Variants in GPR139 observed in about 807,000 individuals in gnomAD.
GPR139 encodes the protein probable G protein-coupled receptor 139.
GPR139 carries 12 observed loss-of-function variants against 25.8 expected under a neutral mutation model. That is an observed-to-expected ratio of 0.47 (90% confidence interval 0.30 to 0.75). GPR139 has a LOEUF of 0.75. Ranked by LOEUF, GPR139 falls within the 30% of genes least tolerant of loss-of-function variation. GPR139 has a pLI of 0.07. For missense variants in GPR139, 380 were observed against 450.2 expected (o/e 0.84, Z 1.41); for synonymous variants, 184 against 179.9 (o/e 1.02, Z -0.18).
At chr16:20,062,888 C>T (rs2057418856) in intron 1 of GPR139, among the ~76,000 whole-genome samples, 1 of 152,064 alleles carries the variant, frequency 6.6e-6, no homozygotes, top group Admixed American at 6.5e-5. Flanking sequence ...TCAAAATCTG[C>T]TGTGTATTTC....
intron 1 of GPR139, among the ~76,000 whole-genome samples, chr16:20,034,762 T>C (rs894626653): frequency 6.6e-6 from 1 of 152,202 alleles, no homozygotes; most frequent in Non-Finnish European, 1.5e-5. Context: ...TCATTCAACA[T>C]TGTATTTTTG....
chr16:20,056,560 T>A (rs946082214), intron 1 of GPR139, among the ~76,000 whole-genome samples: 3 of 151,990 alleles, frequency 2.0e-5, no homozygotes, highest in Admixed American at 1.3e-4. Context: ...CTTGGGAGAG[T>A]CTCTTAACTC....
At position 20,032,398 on chromosome 16, in the gene GPR139, C is replaced by T. The variant is rs371518776; in HGVS notation, c.399G>A (p.Pro133=). Residue 133 remains proline (P), a synonymous_variant, in exon 2 of 2, where the codon CCG becomes CCA. Coordinates refer to ENST00000570682, the MANE Select transcript of GPR139 (RefSeq NM_001002911.4). ...TIDRYIAVCH[P]LKYHTVSYPA... ...GGTATGAGACCGTGTGGTACTTGAG[C>T]GGGTGGCAGACAGCGATATACCTGT... The T allele has an allele frequency of 8.1e-6, 13 of 1,614,030 alleles. No homozygotes were observed. Among genetic ancestry groups the T allele is most frequent in the South Asian group, 2.2e-5 (2 of 91,088 alleles).
chr16:20,065,890 A>G (rs1056665398), intron 1 of GPR139, among the ~76,000 whole-genome samples: 1 of 152,154 alleles, frequency 6.6e-6, no homozygotes, highest in South Asian at 2.1e-4. Context: ...AAAAAAAAAA[A>G]AAAAAGTTAA....
At chr16:20,054,506 G>A (rs2057382597) in intron 1 of GPR139, among the ~76,000 whole-genome samples, 1 of 152,016 alleles carries the variant, frequency 6.6e-6, no homozygotes, top group Non-Finnish European at 1.5e-5. Flanking sequence ...ATCATCAAGA[G>A]GACCAAAGCC....
intron 1 of GPR139, among the ~76,000 whole-genome samples, chr16:20,057,377 A>T (rs1302358677): frequency 6.6e-6 from 1 of 152,146 alleles, no homozygotes; most frequent in East Asian, 1.9e-4. Context: ...CAGAGTAAGT[A>T]CTCAAATGGT....
intron 1 of GPR139, among the ~76,000 whole-genome samples, chr16:20,051,527 G>C (rs1273143451): frequency 6.6e-6 from 1 of 152,218 alleles, no homozygotes; most frequent in Non-Finnish European, 1.5e-5. Flanking sequence ...GCCATGCCCA[G>C]AGGACAACGT....
chr16:20,049,552 C>G (rs1159104377), intron 1 of GPR139, among the ~76,000 whole-genome samples: 1 of 152,190 alleles, frequency 6.6e-6, no homozygotes, highest in Non-Finnish European at 1.5e-5. Context: ...TCATCTGTAC[C>G]ATGCTTGGCA....
intron 1 of GPR139, among the ~76,000 whole-genome samples, chr16:20,057,561 C>T (rs551862137): frequency 2.2e-4 from 34 of 151,714 alleles, no homozygotes; most frequent in Non-Finnish European, 3.8e-4. Flanking sequence ...TTCCTCCCTC[C>T]CTCCCTTCCT....
chr16:20,052,604 T>C (rs1407499418), intron 1 of GPR139, among the ~76,000 whole-genome samples: 2 of 152,182 alleles, frequency 1.3e-5, no homozygotes, highest in Non-Finnish European at 2.9e-5. Context: ...CAGACCATCC[T>C]GGCTAACACG....
intron 1 of GPR139, among the ~76,000 whole-genome samples, chr16:20,062,073 G>A (rs2057416238): frequency 6.6e-6 from 1 of 152,154 alleles, no homozygotes; most frequent in Non-Finnish European, 1.5e-5. Context: ...TTTGAGATCA[G>A]CCTGGGCAAC....
rs2057275673 is a variant in GPR139 at position 20,028,420 on chromosome 16, G to A, written c.*3315C>T. ...CAAACACCAAGTGTGCACCATATTA[G>A]AATTTATTATAATACAAACAAGTCC... On this transcript the variant is annotated 3_prime_UTR_variant, in exon 2 of 2. Transcript: ENST00000570682. 6.6e-6 allele frequency among the ~76,000 whole-genome samples: 1 copy of A among 152,066 alleles called. No individual in the cohort carries two copies. The highest frequency in any genetic ancestry group is 2.1e-4 in the South Asian group (1 of 4,806).
At chr16:20,068,822 C>T (rs996138527) in intron 1 of GPR139, among the ~76,000 whole-genome samples, 6 of 151,920 alleles carry the variant, frequency 3.9e-5, no homozygotes, top group Middle Eastern at 3.4e-3. Flanking sequence ...TATCACAAAT[C>T]GATGTTAAAT....
Position 20,032,277 on chromosome 16 carries a change from A to G in GPR139, c.520T>C (p.Tyr174His). ...YWWPNIWTED[Y>H]ISTSVHHVLI... ...ACGTGATGCACAGAGGTGCTGATGT[A>G]GTCTTCAGTCCAGATGTTGGGCCAC... The change falls in exon 2 of 2, where the codon TAC becomes CAC. Residue 174 changes from tyrosine to histidine, a missense_variant. Tyr to His is a moderately conservative substitution (Grantham distance 83, BLOSUM62 2). Coordinates refer to ENST00000570682, the MANE Select transcript of GPR139 (RefSeq NM_001002911.4). The G allele has an allele frequency of 6.2e-7, 1 of 1,614,218 alleles. No individual in the cohort carries two copies. The highest frequency in any genetic ancestry group is 2.2e-5 in the East Asian group (1 of 44,886).
At chr16:20,046,128 T>C (rs571819771) in intron 1 of GPR139, among the ~76,000 whole-genome samples, 24 of 152,308 alleles carry the variant, frequency 1.6e-4, no homozygotes, top group African/African-American at 5.5e-4. Context: ...TGTGGGCAAA[T>C]AGCTTATCAA....
intron 1 of GPR139, among the ~76,000 whole-genome samples, chr16:20,060,784 T>C (rs189220184): frequency 6.6e-6 from 1 of 152,250 alleles, no homozygotes; most frequent in East Asian, 1.9e-4. Flanking sequence ...CTCCAGACAC[T>C]CTGACCCTCT....
intron 1 of GPR139, among the ~76,000 whole-genome samples, chr16:20,066,631 C>T (rs1158464249): frequency 6.6e-6 from 1 of 152,124 alleles, no homozygotes; most frequent in South Asian, 2.1e-4. Context: ...TAAAACAATG[C>T]GAGTTACTAT....
At chr16:20,050,845 T>G (rs2057369170) in intron 1 of GPR139, among the ~76,000 whole-genome samples, 1 of 152,130 alleles carries the variant, frequency 6.6e-6, no homozygotes. Context: ...GCAGATAGCT[T>G]GAGTCCAGGA....
At position 20,032,510 on chromosome 16, in the gene GPR139, A is replaced by G. The variant is rs941617485; in HGVS notation, c.287T>C (p.Met96Thr). 5 of 1,614,080 alleles carry G rather than the reference A, an allele frequency of 3.1e-6. No homozygotes were observed. The African/African-American group carries it at 6.7e-5, about 22-fold the overall frequency. The change falls in exon 2 of 2, where the codon ATG becomes ACG. Residue 96 changes from methionine (M) to threonine (T), a missense_variant. Coordinates refer to ENST00000570682, the MANE Select transcript of GPR139 (RefSeq NM_001002911.4). ...TATGATCTTGTCGGGGACCTGAGGC[A>G]TCTGCATGTTCAAGATGAAATCTTC... ...LLEDFILNMQ[M>T]PQVPDKIIEV...
Sources: gnomAD v4.1 joint callset for allele counts (sites outside exome capture counted in the v4.1 genomes callset) on GRCh38, gnomAD v4.1.1 for gene constraint, MANE v1.5 for transcripts, NCBI Gene and HGNC (gene_info 2026-07-23, HGNC 2026-07-21) for gene names.